TMEM163: variants seen among roughly 807,000 people sequenced by gnomAD.
TMEM163 encodes transmembrane protein 163.
In TMEM163, 17 loss-of-function variants were observed where a neutral mutation model predicts 29.3. The observed-to-expected ratio is 0.58, with a 90% confidence interval of 0.40 to 0.87. The LOEUF is 0.87. Ranked by LOEUF, TMEM163 falls within the 40% of genes least tolerant of loss-of-function variation. The pLI, the probability that TMEM163 is intolerant of heterozygous loss-of-function variation, is 0.00. For missense variants in TMEM163, 303 were observed against 381.5 expected (o/e 0.79, Z 1.71); for synonymous variants, 157 against 160.6 (o/e 0.98, Z 0.17).
chr2:134,656,909 T>C (rs1381020801), intron 2 of TMEM163, among the ~76,000 whole-genome samples: 1 of 152,230 alleles, frequency 6.6e-6, no homozygotes, highest in East Asian at 1.9e-4. Flanking sequence ...TTGATTTGCA[T>C]GTTTTGAACC....
intron 2 of TMEM163, among the ~76,000 whole-genome samples, chr2:134,669,841 A>C (rs1683951334): frequency 6.6e-6 from 1 of 152,154 alleles, no homozygotes; most frequent in Non-Finnish European, 1.5e-5. Context: ...AGGTGGAAAG[A>C]CTACGAGAAG....
At chr2:134,713,627 C>A in intron 1 of TMEM163, 1 of 515,800 alleles carries the variant, frequency 1.9e-6, no homozygotes, top group Non-Finnish European at 3.8e-6. Context: ...CATTCCTTTG[C>A]CCCTGTGTTA....
intron 2 of TMEM163, among the ~76,000 whole-genome samples, chr2:134,663,245 T>G (rs59443696): frequency 0.1 from 15,851 of 152,314 alleles, 990 homozygotes; most frequent in South Asian, 0.17. Flanking sequence ...CACTGATTTT[T>G]GCTTAAGGCA....
In TMEM163 at chr2:134,659,734, G is replaced by A. The variant is rs1450131032; in HGVS notation, c.322+53466C>T. 1.3e-5 allele frequency among the ~76,000 whole-genome samples: 2 copies of A among 152,200 alleles called. 1 individual carries two copies. The highest frequency in any genetic ancestry group is 3.9e-4 in the East Asian group (2 of 5,194). On this transcript the variant is annotated intron_variant, in intron 2 of 7. Coordinates refer to ENST00000281924, the MANE Select transcript of TMEM163 (RefSeq NM_030923.5). The stretch of plus-strand genomic sequence containing the variant: ...AGGCACAGCTCACTTGAGGCCAGGA[G>A]TCTGAGACCAGCCTGGGCAACAAAG...
intron 5 of TMEM163, among the ~76,000 whole-genome samples, chr2:134,499,717 A>G (rs116492888): frequency 0.033 from 5,024 of 152,322 alleles, 294 homozygotes; most frequent in African/African-American, 0.12. Flanking sequence ...GGAAGGGAAG[A>G]CGCTGTTTCT....
intron 2 of TMEM163, among the ~76,000 whole-genome samples, chr2:134,678,813 T>G (rs895524436): frequency 1.3e-5 from 2 of 152,264 alleles, no homozygotes; most frequent in Non-Finnish European, 2.9e-5. Context: ...GTTATTGGTT[T>G]TTCATTGCTT....
At chr2:134,551,661 A>G (rs1044981040) in intron 3 of TMEM163, among the ~76,000 whole-genome samples, 2 of 152,200 alleles carry the variant, frequency 1.3e-5, no homozygotes, top group African/African-American at 4.8e-5. Flanking sequence ...CTAGCTGGCT[A>G]CAGACTGACT....
intron 2 of TMEM163, among the ~76,000 whole-genome samples, chr2:134,683,426 T>TA (rs544236321): frequency 0.034 from 4,666 of 139,044 alleles, 186 homozygotes; most frequent in African/African-American, 0.098. Flanking sequence ...GTCTTTAATT[T>TA]AAAAAAAAAA....
intron 2 of TMEM163, among the ~76,000 whole-genome samples, chr2:134,662,537 GAA>G (rs574988899): frequency 6.6e-6 from 1 of 150,598 alleles, no homozygotes; most frequent in Non-Finnish European, 1.5e-5. Context: ...ATGTATACAG[GAA>G]AAAAAAAGAC....
intron 2 of TMEM163, among the ~76,000 whole-genome samples, chr2:134,605,753 A>C (rs1682341578): frequency 1.3e-5 from 2 of 152,132 alleles, no homozygotes; most frequent in Non-Finnish European, 2.9e-5. Flanking sequence ...AGGAGAAAAA[A>C]GAAAAGAAAA....
intron 4 of TMEM163, among the ~76,000 whole-genome samples, chr2:134,517,925 T>C (rs1475361516): frequency 1.3e-5 from 2 of 151,594 alleles, no homozygotes; most frequent in East Asian, 1.9e-4. Flanking sequence ...CTTCCTTTCA[T>C]ATATCACTAC....
At chr2:134,600,569 A>C (rs1390646012) in intron 2 of TMEM163, among the ~76,000 whole-genome samples, 1 of 152,190 alleles carries the variant, frequency 6.6e-6, no homozygotes, top group Non-Finnish European at 1.5e-5. Context: ...TCCCCTCCAA[A>C]ACTCAAGTTA....
chr2:134,572,912 A>G (rs1681466296), intron 2 of TMEM163, among the ~76,000 whole-genome samples: 1 of 152,212 alleles, frequency 6.6e-6, no homozygotes, highest in African/African-American at 2.4e-5. Context: ...ATTTATACGC[A>G]TCCTCTTTTA....
intron 2 of TMEM163, among the ~76,000 whole-genome samples, chr2:134,564,145 A>T (rs1230484627): frequency 6.6e-6 from 1 of 152,230 alleles, no homozygotes; most frequent in Non-Finnish European, 1.5e-5. Context: ...TCACTACCAG[A>T]TACGAAGATT....
intron 2 of TMEM163, among the ~76,000 whole-genome samples, chr2:134,570,375 G>A (rs1681392073): frequency 6.6e-6 from 1 of 152,092 alleles, no homozygotes; most frequent in Non-Finnish European, 1.5e-5. Context: ...ATTCCATTAG[G>A]TGACAATCAG....
rs372974138 is a variant in TMEM163 at position 134,623,003 on chromosome 2, AGAG to A, written c.323-70915_323-70913del. Among the ~76,000 whole-genome samples the A allele has an allele frequency of 2.5e-3, 377 of 152,278 alleles. 1 individual carries two copies. The highest frequency in any genetic ancestry group is 8.9e-3 in the African/African-American group (371 of 41,560). The stretch of plus-strand genomic sequence containing the variant: ...TACCATAGGAAGATAGCAGGAAAAA[AGAG>A]GAGGGCAAAAGCAGAAAGTGTCAAA... On this transcript the variant is annotated intron_variant, in intron 2 of 7. Transcript: ENST00000281924.
intron 2 of TMEM163, among the ~76,000 whole-genome samples, chr2:134,674,455 T>C (rs1684061751): frequency 1.4e-5 from 2 of 142,376 alleles, no homozygotes; most frequent in Admixed American, 1.4e-4. Flanking sequence ...GAGATTCCCC[T>C]GCCTCAGCCT....
At chr2:134,624,996 C>A (rs2104827790) in intron 2 of TMEM163, among the ~76,000 whole-genome samples, 1 of 152,232 alleles carries the variant, frequency 6.6e-6, no homozygotes, top group East Asian at 1.9e-4. Flanking sequence ...CCTGTAGTTA[C>A]TTAGTGTATG....
chr2:134,561,962 A>G (rs1053718509), intron 2 of TMEM163, among the ~76,000 whole-genome samples: 1 of 152,244 alleles, frequency 6.6e-6, no homozygotes, highest in Admixed American at 6.5e-5. Context: ...CCTTAATCAT[A>G]GAATGCAGCT....
Sources: gnomAD v4.1 joint callset for allele counts (sites outside exome capture counted in the v4.1 genomes callset) on GRCh38, gnomAD v4.1.1 for gene constraint, MANE v1.5 for transcripts, NCBI Gene and HGNC (gene_info 2026-07-23, HGNC 2026-07-21) for gene names.